ADAMTSL3: variants seen among roughly 807,000 people sequenced by gnomAD.
ADAMTSL3 encodes ADAMTS like 3.
A neutral mutation model predicts 201.7 loss-of-function variants in ADAMTSL3; 128 were observed. That is an observed-to-expected ratio of 0.63 (90% CI 0.55 to 0.73). The LOEUF (loss-of-function observed/expected upper bound fraction) is 0.73, where lower values mean the gene tolerates loss of function less well. Ranked by LOEUF, ADAMTSL3 falls within the 30% of genes least tolerant of loss-of-function variation. The probability of loss-of-function intolerance (pLI) is 0.00; values close to 1 mark genes in which losing one functional copy is unlikely to be tolerated. For missense variants in ADAMTSL3, 1,990 were observed against 2,119.6 expected, an observed-to-expected ratio of 0.94 and a Z score of 1.20; for synonymous variants, 738 against 748.4, an observed-to-expected ratio of 0.99 and a Z score of 0.23.
rs1015105697 is a variant in ADAMTSL3 at position 83,991,189 on chromosome 15, C to T, written c.3948C>T (p.Asn1316=). The stretch of plus-strand genomic sequence containing the variant: ...TCGTGGAGGCAGCCCTTGGAGCAAA[C>T]GTGACAATCCGATGTCCTGTAAAAG... The part of the protein sequence containing the change: ...GGIVEAALGA[N]VTIRCPVKGV... Residue 1316 remains asparagine, a synonymous_variant, in exon 23 of 30, where the codon AAC becomes AAT. Transcript: ENST00000286744. 4 of 1,614,178 alleles carry T rather than the reference C, an allele frequency of 2.5e-6. No homozygotes were observed. Among genetic ancestry groups the T allele is most frequent in the Non-Finnish European group, 3.4e-6 (4 of 1,180,024 alleles).
chr15:83,834,034 C>A (rs981800749), intron 6 of ADAMTSL3, among the ~76,000 whole-genome samples: 4 of 152,142 alleles, frequency 2.6e-5, no homozygotes, highest in African/African-American at 9.7e-5. Flanking sequence ...GCTGGGTTTT[C>A]CTGCAGTAAC....
intron 19 of ADAMTSL3, among the ~76,000 whole-genome samples, chr15:83,954,088 A>G (rs1041346576): frequency 1.3e-5 from 2 of 152,172 alleles, no homozygotes; most frequent in African/African-American, 2.4e-5. Context: ...AGGTTTGGGA[A>G]GTTCTCTGAT....
At chr15:83,815,890 G>A (rs551166303) in intron 5 of ADAMTSL3, among the ~76,000 whole-genome samples, 1 of 152,290 alleles carries the variant, frequency 6.6e-6, no homozygotes, top group East Asian at 1.9e-4. Context: ...AAGGGTGGTG[G>A]TAAAAAGAGA....
intron 17 of ADAMTSL3, among the ~76,000 whole-genome samples, chr15:83,938,991 A>C (rs752300541): frequency 1.3e-5 from 2 of 152,180 alleles, no homozygotes; most frequent in Non-Finnish European, 2.9e-5. Context: ...GTTTTTTATC[A>C]TGAATATCTG....
chr15:83,957,011 T>A (rs953996009), intron 19 of ADAMTSL3, among the ~76,000 whole-genome samples: 3 of 152,086 alleles, frequency 2.0e-5, no homozygotes, highest in African/African-American at 7.2e-5. Flanking sequence ...TTTACAACCA[T>A]GTAAAAAATG....
intron 7 of ADAMTSL3, among the ~76,000 whole-genome samples, chr15:83,847,938 T>C (rs1196170130): frequency 1.3e-5 from 2 of 151,622 alleles, no homozygotes; most frequent in Non-Finnish European, 2.9e-5. Flanking sequence ...AAATAAAACC[T>C]ATTTTTTTTT....
chr15:83,927,512 T>C (rs2066271831), intron 17 of ADAMTSL3, among the ~76,000 whole-genome samples: 1 of 152,210 alleles, frequency 6.6e-6, no homozygotes, highest in Non-Finnish European at 1.5e-5. Flanking sequence ...GTGCAACAAT[T>C]TGAAAATCAC....
rs1305475966 is a variant in ADAMTSL3 at position 83,789,412 on chromosome 15, TC to T, written c.318-15235del. ...TTTCACCTTGCATAGTCTCAGTTCC[TC>T]CCAAATTGCTGTTTTCTTTTAAATT... On this transcript the variant is annotated intron_variant, in intron 4 of 29. Coordinates refer to ENST00000286744, the MANE Select transcript of ADAMTSL3 (RefSeq NM_207517.3). 2.6e-5 allele frequency among the ~76,000 whole-genome samples: 4 copies of T among 151,914 alleles called. No homozygotes were observed. The East Asian group carries it at 7.8e-4, about 30-fold the overall frequency.
At chr15:83,919,511 T>G (rs544271978) in intron 16 of ADAMTSL3, among the ~76,000 whole-genome samples, 1 of 152,000 alleles carries the variant, frequency 6.6e-6, no homozygotes, top group Admixed American at 6.5e-5. Flanking sequence ...GTCATTTCAG[T>G]GGAGGAGCAG....
In ADAMTSL3 at chr15:83,931,160, G is replaced by C. The variant is rs76806264; in HGVS notation, c.2117+7127G>C. On this transcript the variant is annotated intron_variant, in intron 17 of 29. Transcript: ENST00000286744. ...TAGAAGCATGCTGGGTTACATAATG[G>C]TCCTGCTAGTCTGAGGAGAGCCTTC... Among the ~76,000 whole-genome samples the C allele has an allele frequency of 5.0e-3, 766 of 152,298 alleles. 9 individuals carry two copies. The highest frequency in any genetic ancestry group is 0.018 in the African/African-American group (737 of 41,568).
intron 9 of ADAMTSL3, among the ~76,000 whole-genome samples, chr15:83,883,898 C>CTT (rs1049569026): frequency 7.3e-6 from 1 of 136,994 alleles, no homozygotes. Context: ...TTTTCTTTTA[C>CTT]TTTTTTTTTT....
intron 23 of ADAMTSL3, among the ~76,000 whole-genome samples, chr15:84,008,443 A>G (rs936275566): frequency 6.6e-6 from 1 of 152,114 alleles, no homozygotes; most frequent in Non-Finnish European, 1.5e-5. Context: ...TGACTACACT[A>G]GCATTGGACA....
rs773396980 is a variant in ADAMTSL3 at position 84,036,982 on chromosome 15, G to T, written c.4964G>T (p.Cys1655Phe). The T allele has an allele frequency of 6.2e-7, 1 of 1,613,926 alleles. No individual in the cohort carries two copies. The highest frequency in any genetic ancestry group is 1.7e-5 in the Admixed American group (1 of 60,000). ...ISWRHCLGPSCDRDCTDTTHY... is the reference protein window; with the variant it reads ...ISWRHCLGPSFDRDCTDTTHY... ...TGGCGGCACTGTCTTGGGCCCTCCTGTGATAGTACGTACACCTCCCAGGTA... is the reference window on the plus strand; with the variant it reads ...TGGCGGCACTGTCTTGGGCCCTCCTTTGATAGTACGTACACCTCCCAGGTA... Residue 1655 changes from cysteine (C) to phenylalanine (F), a missense_variant, in exon 29 of 30, where the codon TGT becomes TTT. Transcript: ENST00000286744.
intron 2 of ADAMTSL3, among the ~76,000 whole-genome samples, chr15:83,673,361 CAG>C (rs1185463373): frequency 6.6e-6 from 1 of 152,218 alleles, no homozygotes; most frequent in Non-Finnish European, 1.5e-5. Context: ...TTGTACGACA[CAG>C]AGCAAGATAG....
intron 5 of ADAMTSL3, among the ~76,000 whole-genome samples, chr15:83,815,792 T>C (rs2063762517): frequency 6.6e-6 from 1 of 152,252 alleles, no homozygotes; most frequent in Admixed American, 6.5e-5. Flanking sequence ...TCCTAGTGTG[T>C]GTCTTTGGAC....
chr15:83,820,005 C>G lies in ADAMTSL3; in HGVS notation c.558C>G (p.Cys186Trp), dbSNP rs2063835525. 1 of 1,614,132 alleles carries G rather than the reference C, an allele frequency of 6.2e-7. No individual in the cohort carries two copies. Among genetic ancestry groups the G allele is most frequent in the African/African-American group, 1.3e-5 (1 of 75,010 alleles). The change falls in exon 6 of 30, where the codon TGC (cysteine) becomes TGG (tryptophan). Residue 186 changes from cysteine to tryptophan, a missense_variant. Transcript: ENST00000286744. ...CTAAGGTACTGGATGGAACTCGTTG[C>G]AACACGGACTCCTTGGACATGTGTA... is the stretch of plus-strand genomic sequence containing the variant. ...LAPKVLDGTRCNTDSLDMCIS... is the reference protein window; with the variant it reads ...LAPKVLDGTRWNTDSLDMCIS...
At chr15:83,867,514 C>G (rs954909506) in intron 8 of ADAMTSL3, among the ~76,000 whole-genome samples, 1 of 152,132 alleles carries the variant, frequency 6.6e-6, no homozygotes, top group Non-Finnish European at 1.5e-5. Flanking sequence ...CCAAAAACCT[C>G]CAATTCAGTT....
intron 10 of ADAMTSL3, among the ~76,000 whole-genome samples, chr15:83,889,593 C>T (rs943930382): frequency 6.6e-6 from 1 of 151,872 alleles, no homozygotes; most frequent in South Asian, 2.1e-4. Flanking sequence ...AGGTGTGTTG[C>T]GGGGATTGGA....
intron 2 of ADAMTSL3, among the ~76,000 whole-genome samples, chr15:83,676,488 C>G (rs1160749004): frequency 1.3e-5 from 2 of 152,044 alleles, no homozygotes; most frequent in Non-Finnish European, 2.9e-5. Context: ...ACCATCCTGG[C>G]TAACATGGTG....
Sources: gnomAD v4.1 joint callset for allele counts (sites outside exome capture counted in the v4.1 genomes callset) on GRCh38, gnomAD v4.1.1 for gene constraint, MANE v1.5 for transcripts, NCBI Gene and HGNC (gene_info 2026-07-23, HGNC 2026-07-21) for gene names.